The following JMJD1C variants were observed in gnomAD, a reference collection of about 807,000 sequenced individuals.
JMJD1C encodes the protein jumonji domain containing 1C, also known as jumonji domain-containing protein 1C.
A neutral mutation model predicts 245.3 loss-of-function variants in JMJD1C; 31 were observed. That is an observed-to-expected ratio of 0.13 (90% CI 0.09 to 0.17). JMJD1C has a LOEUF of 0.17. Ranked by LOEUF, JMJD1C falls within the 10% of genes least tolerant of loss-of-function variation. The pLI, the probability that JMJD1C is intolerant of heterozygous loss-of-function variation, is 1.00. For missense variants in JMJD1C, 2,691 were observed against 3,000.2 expected (o/e 0.90, Z 2.41); for synonymous variants, 1,057 against 1,017.4 (o/e 1.04, Z -0.74).
intron 2 of JMJD1C, among the ~76,000 whole-genome samples, chr10:63,366,730 T>A (rs1945871279): frequency 6.6e-6 from 1 of 152,224 alleles, no homozygotes; most frequent in African/African-American, 2.4e-5. Flanking sequence ...CAACTACAGC[T>A]GTATTACAAT....
Position 63,213,531 on chromosome 10 carries a change from G to T in JMJD1C, c.2636C>A (p.Pro879His), listed in dbSNP as rs767191756. Residue 879 changes from proline to histidine, a missense_variant, in exon 8 of 26, where the codon CCT becomes CAT. Physicochemically the swap from Pro to His is moderately conservative, Grantham distance 77. This residue lies in a region of JMJD1C where 1,562 missense variants were observed against 1,490.7 expected (regional missense o/e 1.05). Transcript: ENST00000399262. Reference sequence around the variant, plus strand: ...TTCTGGGTGAACCCACTTAGAAGAAGGCAAACCAAGTCCTGAGTATGCATG... The same window carrying T: ...TTCTGGGTGAACCCACTTAGAAGAATGCAAACCAAGTCCTGAGTATGCATG... ...GTHAYSGLGL[P>H]SSKWVHPENA... 2 of 1,609,976 alleles carry T rather than the reference G, an allele frequency of 1.2e-6. No individual in the cohort carries two copies. The highest frequency in any genetic ancestry group is 2.2e-5 in the South Asian group (2 of 91,022).
At chr10:63,280,523 C>G (rs944092979) in intron 2 of JMJD1C, among the ~76,000 whole-genome samples, 1 of 151,940 alleles carries the variant, frequency 6.6e-6, no homozygotes, top group Non-Finnish European at 1.5e-5. Flanking sequence ...GCACTCCAGC[C>G]TGGGCGACAA....
intron 2 of JMJD1C, among the ~76,000 whole-genome samples, chr10:63,333,986 G>A (rs193156469): frequency 6.6e-6 from 1 of 152,208 alleles, no homozygotes; most frequent in African/African-American, 2.4e-5. Flanking sequence ...ATTAGAATCA[G>A]AGGCTATTTG....
At position 63,215,437 on chromosome 10, in the gene JMJD1C, G is replaced by T; in HGVS notation, c.841C>A (p.Gln281Lys). 6.2e-7 allele frequency: 1 copy of T among 1,614,038 alleles called. No individual in the cohort carries two copies. The highest frequency in any genetic ancestry group is 8.5e-7 in the Non-Finnish European group (1 of 1,179,996). Reference sequence around the variant, plus strand: ...ATTGCTGGTCTGGGACTATTTGCTTGGGCACGTGTATAATGGCTCTAAAAA... The same window carrying T: ...ATTGCTGGTCTGGGACTATTTGCTTTGGCACGTGTATAATGGCTCTAAAAA... ...NAVHSHYTRAQANSPRPAMNS... is the reference protein window; with the variant it reads ...NAVHSHYTRAKANSPRPAMNS... Residue 281 changes from glutamine (Q) to lysine (K), a missense_variant, in exon 7 of 26, where the codon CAA (glutamine) becomes AAA (lysine). Around this residue, in one of 9 missense-constraint regions of JMJD1C, gnomAD observed 1,562 missense variants for 1,490.7 expected, o/e 1.05. Transcript: ENST00000399262.
At chr10:63,191,737 C>A (rs954405445) in intron 16 of JMJD1C, among the ~76,000 whole-genome samples, 1 of 151,970 alleles carries the variant, frequency 6.6e-6, no homozygotes, top group Non-Finnish European at 1.5e-5. Context: ...GTAATCCCAG[C>A]ACTTTGAGAG....
rs544692517 is a variant in JMJD1C at position 63,219,942 on chromosome 10, C to T, written c.489G>A (p.Pro163=). The T allele has an allele frequency of 6.7e-5, 108 of 1,613,460 alleles. No homozygotes were observed. The highest frequency in any genetic ancestry group is 8.4e-5 in the Non-Finnish European group (99 of 1,179,614). The part of the protein sequence containing the change: ...DSLNPVLRDN[P]QLHEEVKVWV... ...AGACTTTCACTTCCTCATGAAGCTGCGGGTTGTCCCTGAGAACTGGGTTTA... is the reference window on the plus strand; with the variant it reads ...AGACTTTCACTTCCTCATGAAGCTGTGGGTTGTCCCTGAGAACTGGGTTTA... Residue 163 remains proline, a synonymous_variant, in exon 4 of 26, where the codon CCG becomes CCA. Transcript: ENST00000399262.
At chr10:63,511,716 CA>C (rs905864135) in intron 1 of JMJD1C, among the ~76,000 whole-genome samples, 98 of 140,246 alleles carry the variant, frequency 7.0e-4, no homozygotes, top group Non-Finnish European at 6.2e-4. Flanking sequence ...GACTCCATCT[CA>C]AAAAAAAAAA....
At chr10:63,416,535 A>C (rs970962790) in intron 1 of JMJD1C, among the ~76,000 whole-genome samples, 1 of 152,194 alleles carries the variant, frequency 6.6e-6, no homozygotes, top group South Asian at 2.1e-4. Flanking sequence ...CTGTCAAGTA[A>C]CAAGGGGAAA....
Position 63,493,249 on chromosome 10 carries a change from CTTTTTTTT to C in JMJD1C, n.113+28481_113+28488del, listed in dbSNP as rs752941477. Among the ~76,000 whole-genome samples, 21 of 49,140 alleles carry C rather than the reference CTTTTTTTT, an allele frequency of 4.3e-4. No homozygotes were observed. In the East Asian group the frequency reaches 7.9e-3, roughly 19 times the overall value. The allele number at this position is 49,140 out of a possible 152,430, so 32.2% of individuals were successfully genotyped here. ...GTAGATGGGAACAAAACTGTTATTT[CTTTTTTTT>C]TTTTTTTTTTTTTTTTTTTTTGAGA... On this transcript the variant is annotated intron_variant and non_coding_transcript_variant, in intron 1 of 3. Coordinates refer to the JMJD1C transcript ENST00000633035.
intron 1 of JMJD1C, among the ~76,000 whole-genome samples, chr10:63,442,446 T>C (rs764191007): frequency 7.2e-5 from 11 of 152,230 alleles, no homozygotes; most frequent in East Asian, 1.9e-4. Context: ...ATTAAACTTA[T>C]AAACTTCTAA....
chr10:63,347,933 C>T (rs1356409705), intron 2 of JMJD1C, among the ~76,000 whole-genome samples: 1 of 151,962 alleles, frequency 6.6e-6, no homozygotes, highest in East Asian at 1.9e-4. Context: ...GAAATTACCG[C>T]TGGGTGCAAT....
At chr10:63,433,643 G>A (rs536468719) in intron 1 of JMJD1C, among the ~76,000 whole-genome samples, 2 of 145,824 alleles carry the variant, frequency 1.4e-5, no homozygotes, top group South Asian at 4.3e-4. Flanking sequence ...TGGAGTGCAA[G>A]GGTGAGATCA....
At chr10:63,174,856 CA>C (rs544500537) in intron 24 of JMJD1C, among the ~76,000 whole-genome samples, 14 of 141,146 alleles carry the variant, frequency 9.9e-5, no homozygotes, top group South Asian at 4.5e-4. Context: ...AAACAAAAAA[CA>C]AAAAAAAAAA....
At chr10:63,275,609 G>C (rs1856702435) in intron 2 of JMJD1C, among the ~76,000 whole-genome samples, 2 of 152,036 alleles carry the variant, frequency 1.3e-5, no homozygotes, top group South Asian at 4.1e-4. Context: ...TCAAGAAAAA[G>C]TGATTTTACT....
At chr10:63,265,300 C>T (rs1441989820) in intron 2 of JMJD1C, among the ~76,000 whole-genome samples, 3 of 149,772 alleles carry the variant, frequency 2.0e-5, no homozygotes, top group Non-Finnish European at 4.5e-5. Context: ...ATAAAAATCC[C>T]GCAGCTTCGG....
intron 1 of JMJD1C, among the ~76,000 whole-genome samples, chr10:63,463,677 G>A (rs1451013533): frequency 6.6e-6 from 1 of 151,868 alleles, no homozygotes; most frequent in Non-Finnish European, 1.5e-5. Context: ...ACTCATCAAG[G>A]GTTCACATAG....
chr10:63,300,887 G>GT (rs1860000127), intron 2 of JMJD1C, among the ~76,000 whole-genome samples: 1 of 84,758 alleles, frequency 1.2e-5, no homozygotes, highest in African/African-American at 3.3e-5. Flanking sequence ...TTGAGACTCT[G>GT]TCTCAAAAAA....
At chr10:63,287,643 T>A (rs926362142) in intron 2 of JMJD1C, among the ~76,000 whole-genome samples, 3 of 152,244 alleles carry the variant, frequency 2.0e-5, no homozygotes, top group Admixed American at 2.0e-4. Flanking sequence ...GCAGAGGATC[T>A]CATCCTGAGT....
chr10:63,185,358 T>C (rs1844006265), intron 20 of JMJD1C, among the ~76,000 whole-genome samples: 1 of 151,800 alleles, frequency 6.6e-6, no homozygotes, highest in African/African-American at 2.4e-5. Context: ...TCTCCAAGTC[T>C]TGGACTCCAG....
Sources: allele counts gnomAD v4.1 joint callset (sites outside exome capture counted in the v4.1 genomes callset), GRCh38; gene constraint gnomAD v4.1.1; regional missense constraint gnomAD v4.1.1; transcripts MANE v1.5; gene names NCBI Gene and HGNC (gene_info 2026-07-23, HGNC 2026-07-21).